The following XRN1 variants were observed in gnomAD, a reference collection of about 807,000 sequenced individuals.
The protein encoded by XRN1 is 5'-3' exoribonuclease 1, also known as strand-exchange protein 1 homolog.
Under a neutral mutation model 222.3 loss-of-function variants are expected in XRN1, and 67 were observed. That is an observed-to-expected ratio of 0.30 (90% CI 0.25 to 0.37). The LOEUF (loss-of-function observed/expected upper bound fraction) is 0.37. XRN1 is among the 10% of genes least tolerant of loss of function. The pLI is 1.00. For missense variants in XRN1, 1,707 were observed against 2,000.2 expected, an observed-to-expected ratio of 0.85 and a Z score of 2.80; for synonymous variants, 643 against 652.4, an observed-to-expected ratio of 0.99 and a Z score of 0.22.
At chr3:142,418,707 A>AG (rs1452028940) in intron 11 of XRN1, 98 bp from the exon 12 acceptor site, 2 of 1,438,260 alleles carry the variant, frequency 1.4e-6, no homozygotes, top group African/African-American at 2.8e-5. Flanking sequence ...TGATGCTTAT[A>AG]TGCTATCACA....
intron 20 of XRN1, among the ~76,000 whole-genome samples, chr3:142,391,747 A>ATATATATAT (rs758631390): frequency 3.0e-4 from 32 of 108,390 alleles, no homozygotes; most frequent in African/African-American, 1.0e-3. Context: ...AAAAAAAAAA[A>ATATATATAT]AAATATATAT....
At chr3:142,324,063 T>C (rs1431579038) in intron 37 of XRN1, among the ~76,000 whole-genome samples, 1 of 151,926 alleles carries the variant, frequency 6.6e-6, no homozygotes, top group East Asian at 1.9e-4. Context: ...TTTTAAAATA[T>C]ATATTATTGG....
At chr3:142,405,167 T>C in intron 15 of XRN1, 91 bp from the exon 16 acceptor site, 8 of 1,287,272 alleles carry the variant, frequency 6.2e-6, no homozygotes, top group South Asian at 1.4e-5. Flanking sequence ...ATATACAGAA[T>C]AACCATTTGT....
intron 22 of XRN1, 74 bp downstream of exon 22, chr3:142,383,226 A>T (rs2067367510): frequency 2.6e-6 from 3 of 1,136,134 alleles, no homozygotes; most frequent in Non-Finnish European, 3.9e-6. Context: ...TTTAATTTAA[A>T]CCTAAATGAA....
chr3:142,429,170 CAG>C (rs2069403841), intron 2 of XRN1, among the ~76,000 whole-genome samples: 1 of 114,396 alleles, frequency 8.7e-6, no homozygotes, highest in African/African-American at 3.5e-5. Context: ...TTTTTTGAGA[CAG>C]AGTTTCACTC....
intron 39 of XRN1, among the ~76,000 whole-genome samples, chr3:142,314,411 CT>C (rs1453781775): frequency 6.6e-6 from 1 of 152,074 alleles, no homozygotes; most frequent in Non-Finnish European, 1.5e-5. Context: ...TAAGACAATT[CT>C]TCTTTAGAGA....
chr3:142,338,623 A>T (rs910754239), intron 33 of XRN1, among the ~76,000 whole-genome samples: 41 of 152,182 alleles, frequency 2.7e-4, no homozygotes, highest in Non-Finnish European at 5.6e-4. Flanking sequence ...CAGCTCTGCC[A>T]AGTGGGACAG....
chr3:142,418,768 T>C (rs1355010193), intron 11 of XRN1, 47 bp downstream of exon 11: 1 of 1,588,714 alleles, frequency 6.3e-7, no homozygotes, highest in African/African-American at 1.3e-5. Context: ...GTATAACAAT[T>C]ATCCTGTCAA....
chr3:142,434,323 T>A (rs1296007801), intron 1 of XRN1, among the ~76,000 whole-genome samples: 1 of 151,844 alleles, frequency 6.6e-6, no homozygotes, highest in Non-Finnish European at 1.5e-5. Flanking sequence ...TTTCATATCT[T>A]TTTCACACGC....
At chr3:142,416,181 A>G (rs967970814) in intron 13 of XRN1, among the ~76,000 whole-genome samples, 1 of 151,616 alleles carries the variant, frequency 6.6e-6, no homozygotes, top group South Asian at 2.1e-4. Context: ...TTATTTATTT[A>G]TTTATTTATT....
At chr3:142,426,151 A>G (rs899051110) in intron 3 of XRN1, among the ~76,000 whole-genome samples, 8 of 152,174 alleles carry the variant, frequency 5.3e-5, no homozygotes, top group Admixed American at 4.6e-4. Context: ...ACTGTTAGTA[A>G]AGAACTGATG....
chr3:142,338,368 C>T (rs1456087226), intron 33 of XRN1, among the ~76,000 whole-genome samples: 1 of 152,172 alleles, frequency 6.6e-6, no homozygotes, highest in East Asian at 1.9e-4. Flanking sequence ...AGAAGGGAAC[C>T]TACAGTCCTG....
chr3:142,419,802 T>C (rs2068933795), intron 10 of XRN1, among the ~76,000 whole-genome samples: 1 of 150,068 alleles, frequency 6.7e-6, no homozygotes, highest in Admixed American at 6.6e-5. Flanking sequence ...AGTGACATGC[T>C]GTCTCCAAAA....
intron 25 of XRN1, among the ~76,000 whole-genome samples, chr3:142,374,918 G>A (rs1363707008): frequency 6.6e-6 from 1 of 152,162 alleles, no homozygotes; most frequent in Non-Finnish European, 1.5e-5. Flanking sequence ...TTACAAAAAG[G>A]GGAAATTAGG....
At chr3:142,342,558 G>A (rs1233620150) in intron 33 of XRN1, among the ~76,000 whole-genome samples, 2 of 152,134 alleles carry the variant, frequency 1.3e-5, no homozygotes, top group African/African-American at 4.8e-5. Flanking sequence ...CAGAACTATG[G>A]TAATGAAAAT....
intron 1 of XRN1, among the ~76,000 whole-genome samples, chr3:142,434,832 T>C (rs545454204): frequency 3.4e-4 from 52 of 152,230 alleles, no homozygotes; most frequent in African/African-American, 1.2e-3. Context: ...ATGGTTTGAA[T>C]GGAAATTTAG....
intron 20 of XRN1, among the ~76,000 whole-genome samples, chr3:142,391,080 T>C (rs1387498768): frequency 6.6e-6 from 1 of 152,034 alleles, no homozygotes; most frequent in East Asian, 1.9e-4. Flanking sequence ...TAGATGACCA[T>C]GACAGATATA....
At chr3:142,420,965 T>C (rs764926962) in intron 10 of XRN1, 51 bp downstream of exon 10, 7 of 1,603,500 alleles carry the variant, frequency 4.4e-6, no homozygotes, top group Non-Finnish European at 6.0e-6. Flanking sequence ...AAGAATATAA[T>C]TTTTGCCTTT....
chr3:142,312,229 A>G (rs1182576893), intron 40 of XRN1, among the ~76,000 whole-genome samples: 1 of 152,118 alleles, frequency 6.6e-6, no homozygotes, highest in African/African-American at 2.4e-5. Context: ...GGGAGTCGAG[A>G]TTGTGCATGG....
Sources: gnomAD v4.1 joint callset for allele counts (sites outside exome capture counted in the v4.1 genomes callset) on GRCh38, gnomAD v4.1.1 for gene constraint, MANE v1.5 for transcripts, NCBI Gene and HGNC (gene_info 2026-07-23, HGNC 2026-07-21) for gene names.